The following CNTN4 variants were observed in gnomAD, a reference collection of about 807,000 sequenced individuals.
The protein encoded by CNTN4 is contactin-4.
A neutral mutation model predicts 122.5 loss-of-function variants in CNTN4; 77 were observed. The ratio of observed to expected loss-of-function variants is 0.63; its 90% CI spans 0.52 to 0.76. The LOEUF (loss-of-function observed/expected upper bound fraction) is 0.76. Ranked by LOEUF, CNTN4 falls within the 30% of genes least tolerant of loss-of-function variation. The probability of loss-of-function intolerance (pLI) is 0.00; values close to 1 mark genes in which losing one functional copy is unlikely to be tolerated. For synonymous variants in CNTN4, 512 were observed against 447.0 expected (o/e 1.15, Z -1.83); for missense variants, 1,256 against 1,259.1 (o/e 1.00, Z 0.04).
intron 3 of CNTN4, among the ~76,000 whole-genome samples, chr3:2,532,571 A>C (rs2077637548): frequency 6.6e-6 from 1 of 152,206 alleles, no homozygotes; most frequent in South Asian, 2.1e-4. Flanking sequence ...ATATAGTTCT[A>C]TGAAAGCAAC....
At chr3:2,875,632 A>G (rs529869285) in intron 8 of CNTN4, among the ~76,000 whole-genome samples, 1 of 152,324 alleles carries the variant, frequency 6.6e-6, no homozygotes, top group Admixed American at 6.5e-5. Flanking sequence ...CCTAGATAAA[A>G]TTCTTATTTT....
At chr3:2,798,393 ATATC>A (rs149045973) in intron 6 of CNTN4, among the ~76,000 whole-genome samples, 10 of 89,374 alleles carry the variant, frequency 1.1e-4, no homozygotes, top group Admixed American at 2.2e-4. Context: ...ATCTATCTAT[ATATC>A]TATCTATCTA....
chr3:2,514,670 C>G (rs777662203), intron 3 of CNTN4, among the ~76,000 whole-genome samples: 7 of 152,120 alleles, frequency 4.6e-5, no homozygotes, highest in Non-Finnish European at 7.4e-5. Context: ...TGCTTTACCT[C>G]TCTGTGCCTC....
At chr3:2,136,292 G>A (rs771224072) in intron 2 of CNTN4, among the ~76,000 whole-genome samples, 6 of 152,168 alleles carry the variant, frequency 3.9e-5, no homozygotes, top group Non-Finnish European at 8.8e-5. Context: ...CTGAAGCTAG[G>A]TTGTCCCAGA....
intron 4 of CNTN4, among the ~76,000 whole-genome samples, chr3:2,573,549 A>G (rs749731506): frequency 8.5e-5 from 13 of 152,168 alleles, no homozygotes; most frequent in Non-Finnish European, 1.3e-4. Context: ...CAGTGAATTG[A>G]TTTCTCATAT....
chr3:2,887,771 A>G (rs1191225572), intron 10 of CNTN4, among the ~76,000 whole-genome samples: 1 of 152,194 alleles, frequency 6.6e-6, no homozygotes, highest in Non-Finnish European at 1.5e-5. Flanking sequence ...AGCTGCTCCT[A>G]TTCCAATCAA....
At position 2,622,931 on chromosome 3, in the gene CNTN4, A is replaced by G. The variant is rs1031551430; in HGVS notation, c.55+51373A>G. Among the ~76,000 whole-genome samples, 14 of 152,350 alleles carry G rather than the reference A, an allele frequency of 9.2e-5. No homozygotes were observed. In the East Asian group the frequency reaches 2.7e-3, roughly 29 times the overall value. Reference sequence around the variant, plus strand: ...TAGGTCATATGAGAATGATGGAAGCATATAGCTACTTTTCTTTTTCACCAA... The same window carrying G: ...TAGGTCATATGAGAATGATGGAAGCGTATAGCTACTTTTCTTTTTCACCAA... On this transcript the variant is annotated intron_variant, in intron 4 of 24. Transcript: ENST00000418658.
chr3:2,944,370 C>T (rs1258985300), intron 13 of CNTN4, among the ~76,000 whole-genome samples: 1 of 152,058 alleles, frequency 6.6e-6, no homozygotes, highest in South Asian at 2.1e-4. Context: ...CTAAGAGCAG[C>T]ATCTAGTCTA....
intron 3 of CNTN4, among the ~76,000 whole-genome samples, chr3:2,348,989 C>T (rs187439686): frequency 8.5e-4 from 130 of 152,240 alleles, no homozygotes; most frequent in Non-Finnish European, 1.5e-3. Context: ...AAGTTTAAAT[C>T]TGATGAGCTT....
intron 14 of CNTN4, among the ~76,000 whole-genome samples, chr3:2,997,166 T>A (rs1695611398): frequency 6.6e-6 from 1 of 152,224 alleles, no homozygotes; most frequent in South Asian, 2.1e-4. Flanking sequence ...AAATGGCTAA[T>A]TGTGTAATAA....
intron 12 of CNTN4, among the ~76,000 whole-genome samples, chr3:2,912,326 T>C (rs2094309355): frequency 6.6e-6 from 1 of 152,236 alleles, no homozygotes; most frequent in South Asian, 2.1e-4. Flanking sequence ...AAGAATACTA[T>C]ATCCGGTAAA....
chr3:2,355,169 C>A (rs1298116574), intron 3 of CNTN4, among the ~76,000 whole-genome samples: 1 of 152,318 alleles, frequency 6.6e-6, no homozygotes, highest in South Asian at 2.1e-4. Flanking sequence ...TTTCTCCTAA[C>A]TTCTGACCTG....
intron 3 of CNTN4, among the ~76,000 whole-genome samples, chr3:2,419,896 T>C (rs1486807549): frequency 1.3e-5 from 2 of 152,202 alleles, no homozygotes; most frequent in Admixed American, 6.5e-5. Context: ...CCCTGTGGTT[T>C]CAGACTATTA....
rs147405824 is a variant in CNTN4, at chr3:2,845,988, T to C, written c.455-20764T>C. On this transcript the variant is annotated intron_variant, in intron 7 of 24. Transcript: ENST00000418658. Reference sequence around the variant, plus strand: ...TGACAGTGTGATCATAGAGATGCCATTTTTGTCTTCAGTAATCAACCCTTC... The same window carrying C: ...TGACAGTGTGATCATAGAGATGCCACTTTTGTCTTCAGTAATCAACCCTTC... 7.1e-3 allele frequency among the ~76,000 whole-genome samples: 1,077 copies of C among 152,288 alleles called. 6 individuals carry two copies. Among genetic ancestry groups the C allele is most frequent in the Non-Finnish European group, 0.012 (794 of 68,008 alleles).
chr3:2,911,624 A>C (rs556320318), intron 12 of CNTN4, among the ~76,000 whole-genome samples: 3 of 152,196 alleles, frequency 2.0e-5, no homozygotes, highest in Non-Finnish European at 4.4e-5. Flanking sequence ...AAAGAATTCT[A>C]ATTATTCTCA....
chr3:2,834,028 C>T (rs1375026656), intron 7 of CNTN4, among the ~76,000 whole-genome samples: 1 of 152,024 alleles, frequency 6.6e-6, no homozygotes, highest in Non-Finnish European at 1.5e-5. Context: ...CACCTGTAGT[C>T]CCAGCTACTC....
At chr3:2,744,286 C>A (rs910719056) in intron 5 of CNTN4, among the ~76,000 whole-genome samples, 1 of 152,208 alleles carries the variant, frequency 6.6e-6, no homozygotes, top group East Asian at 1.9e-4. Flanking sequence ...AACTCACGTA[C>A]ATTTTTTTCA....
intron 4 of CNTN4, among the ~76,000 whole-genome samples, chr3:2,666,084 A>G (rs2084144245): frequency 6.6e-6 from 1 of 152,196 alleles, no homozygotes; most frequent in Non-Finnish European, 1.5e-5. Context: ...ATGCAGGTTC[A>G]CCTGCACTGG....
At chr3:2,142,867 C>T (rs766567675) in intron 2 of CNTN4, among the ~76,000 whole-genome samples, 2 of 152,200 alleles carry the variant, frequency 1.3e-5, no homozygotes, top group African/African-American at 2.4e-5. Context: ...TGAATTTCCA[C>T]GTAACTTTCA....
Sources: gnomAD v4.1 joint callset for allele counts (sites outside exome capture counted in the v4.1 genomes callset) on GRCh38, gnomAD v4.1.1 for gene constraint, MANE v1.5 for transcripts, NCBI Gene and HGNC (gene_info 2026-07-23, HGNC 2026-07-21) for gene names.